Variants in FBXW2 observed in about 807,000 individuals in gnomAD.
FBXW2 encodes the protein F-box/WD repeat-containing protein 2.
A neutral mutation model predicts 46.0 loss-of-function variants in FBXW2; 12 were observed. The ratio of observed to expected loss-of-function variants is 0.26; its 90% CI spans 0.17 to 0.42. The LOEUF (loss-of-function observed/expected upper bound fraction) is 0.42, where lower values mean the gene tolerates loss of function less well. FBXW2 is among the 10% of genes least tolerant of loss of function. The pLI is 1.00. For synonymous variants in FBXW2, 203 were observed against 209.6 expected (o/e 0.97, Z 0.27); for missense variants, 360 against 537.0 (o/e 0.67, Z 3.26).
chr9:120,772,649 C>CT (rs2044404450), intron 6 of FBXW2, 105 bp downstream of exon 6: 1 of 684,084 alleles, frequency 1.5e-6, no homozygotes, highest in African/African-American at 1.9e-5. Flanking sequence ...CTAAGACACT[C>CT]CCCCTCCTCT....
At chr9:120,769,377 A>G (rs1393463169) in intron 7 of FBXW2, among the ~76,000 whole-genome samples, 1 of 152,194 alleles carries the variant, frequency 6.6e-6, no homozygotes, top group Non-Finnish European at 1.5e-5. Flanking sequence ...CAGGTTTATT[A>G]TTTAAAACTA....
At chr9:120,788,352 A>C in intron 2 of FBXW2, 74 bp from the exon 3 acceptor site, 1 of 1,399,256 alleles carries the variant, frequency 7.1e-7, no homozygotes, top group Non-Finnish European at 9.6e-7. Context: ...CAAATGAAGT[A>C]TTAAAAATTA....
rs543548840 is a variant in FBXW2, at chr9:120,792,116, G to A, written c.-21+1033C>T. On this transcript the variant is annotated intron_variant, in intron 2 of 7. Transcript: ENST00000608872. ...ACTAACATTAATGAGGAAATTTACG[G>A]CTCAAGAAGTGGAGTGGCCTTCCCA... 7.2e-5 allele frequency among the ~76,000 whole-genome samples: 11 copies of A among 152,154 alleles called. No individual in the cohort carries two copies. The South Asian group carries it at 2.3e-3, about 32-fold the overall frequency.
chr9:120,767,064 T>C (rs1240465576), intron 7 of FBXW2, among the ~76,000 whole-genome samples: 1 of 152,220 alleles, frequency 6.6e-6, no homozygotes, highest in Non-Finnish European at 1.5e-5. Context: ...TTTCTGTCTT[T>C]TATAGCTGGA....
chr9:120,793,034 T>C (rs1013370327), intron 2 of FBXW2, 115 bp downstream of exon 2: 13 of 1,303,326 alleles, frequency 1.0e-5, no homozygotes, highest in Admixed American at 7.9e-5. Flanking sequence ...ATGGAGGCAG[T>C]AGGAGGCAGT....
Position 120,764,115 on chromosome 9 carries a change from A to G in FBXW2, c.*444T>C. On this transcript the variant is annotated 3_prime_UTR_variant, in exon 8 of 8. Transcript: ENST00000608872. The stretch of plus-strand genomic sequence containing the variant: ...TATAAGAGCTAAACCCCGTGTGAGG[A>G]AAGTTGCTGTAACAACATCATAGCA... 3.1e-6 allele frequency: 1 copy of G among 323,632 alleles called. No individual in the cohort carries two copies. Among genetic ancestry groups the G allele is most frequent in the Non-Finnish European group, 5.6e-6 (1 of 179,886 alleles). 20.0% of individuals were successfully genotyped at this position (323,632 alleles called of 1,614,324 possible). A position where few individuals can be genotyped will look rare whatever the true frequency, so the allele number is the denominator to read the frequency against.
intron 5 of FBXW2, among the ~76,000 whole-genome samples, chr9:120,774,905 A>G (rs1303480556): frequency 6.6e-6 from 1 of 152,138 alleles, no homozygotes; most frequent in African/African-American, 2.4e-5. Context: ...TGTCCAGGTC[A>G]TCAAATGTTC....
At chr9:120,774,046 T>A (rs920930911) in intron 5 of FBXW2, among the ~76,000 whole-genome samples, 1 of 151,832 alleles carries the variant, frequency 6.6e-6, no homozygotes, top group South Asian at 2.1e-4. Context: ...AAATTTTTTT[T>A]AATTAGCAGC....
intron 5 of FBXW2, among the ~76,000 whole-genome samples, chr9:120,775,169 C>T (rs1300368149): frequency 6.6e-6 from 1 of 152,056 alleles, no homozygotes; most frequent in Non-Finnish European, 1.5e-5. Context: ...AGTTAATTCC[C>T]CTGTCTCAGC....
rs112138267 is a variant in FBXW2 at position 120,785,781 on chromosome 9, A to G, written c.490+1988T>C. ...ACGGTGGCTCACGCCTGTAATCCCA[A>G]CACTTTGGAGGGTGGATCACCTGAG... is the stretch of plus-strand genomic sequence containing the variant. On this transcript the variant is annotated intron_variant, in intron 3 of 7. Transcript: ENST00000608872. Among the ~76,000 whole-genome samples the G allele has an allele frequency of 6.0e-3, 912 of 152,126 alleles. 15 individuals are homozygous for G. Among genetic ancestry groups the G allele is most frequent in the African/African-American group, 0.02 (845 of 41,492 alleles).
intron 5 of FBXW2, 22 bp from the exon 6 acceptor site, chr9:120,772,862 C>G: frequency 6.5e-7 from 1 of 1,532,564 alleles, no homozygotes; most frequent in Non-Finnish European, 9.0e-7. Context: ...AACCATGTTA[C>G]GGAAAGATCC....
At chr9:120,772,490 C>CA (rs1402809508) in intron 6 of FBXW2, among the ~76,000 whole-genome samples, 129 of 36,530 alleles carry the variant, frequency 3.5e-3, no homozygotes, top group African/African-American at 0.01. Context: ...GAGACTGTCT[C>CA]AAAAAAAAAC....
In FBXW2 at chr9:120,776,062, T is replaced by A. The variant is rs191921328; in HGVS notation, c.819+31A>T. 1.3e-4 allele frequency: 208 copies of A among 1,611,524 alleles called. 1 individual carries two copies. The South Asian group carries it at 1.4e-3, about 11-fold the overall frequency. On this transcript the variant is annotated intron_variant, in intron 5 of 7. Coordinates refer to ENST00000608872, the MANE Select transcript of FBXW2 (RefSeq NM_012164.4). The stretch of plus-strand genomic sequence containing the variant: ...CCACGCCCTCCCTCAAAAAGCCTGA[T>A]AAGCAGGAGACTTCTTCCAAGTCTT...
chr9:120,778,939 T>C (rs1178489588), intron 3 of FBXW2, among the ~76,000 whole-genome samples: 2 of 152,262 alleles, frequency 1.3e-5, no homozygotes, highest in African/African-American at 4.8e-5. Flanking sequence ...GCTTGTCCAT[T>C]ACCCAACAGT....
chr9:120,786,301 G>A (rs567493751), intron 3 of FBXW2, among the ~76,000 whole-genome samples: 1 of 152,280 alleles, frequency 6.6e-6, no homozygotes, highest in Non-Finnish European at 1.5e-5. Context: ...TCATGATAGT[G>A]AGTGAGTTCT....
At chr9:120,779,083 T>C (rs1312010261) in intron 3 of FBXW2, among the ~76,000 whole-genome samples, 2 of 152,226 alleles carry the variant, frequency 1.3e-5, no homozygotes. Context: ...CCAGTCATCT[T>C]GAAATACGTG....
In FBXW2 at chr9:120,762,179, A is replaced by G. The variant is rs1165296774; in HGVS notation, c.*2380T>C. 6.6e-6 allele frequency: 1 copy of G among 152,176 alleles called. No individual in the cohort carries two copies. Among genetic ancestry groups the G allele is most frequent in the African/African-American group, 2.4e-5 (1 of 41,450 alleles). 9.4% of individuals were successfully genotyped at this position (152,176 alleles called of 1,614,324 possible). A position where few individuals can be genotyped will look rare whatever the true frequency, so the allele number is the denominator to read the frequency against. On this transcript the variant is annotated 3_prime_UTR_variant, in exon 8 of 8. Coordinates refer to ENST00000608872, the MANE Select transcript of FBXW2 (RefSeq NM_012164.4). ...ACATGGTGGAACCCTGTCTCTACTA[A>G]AAATATAAAAATTAGTTGGGTGTCA...
At chr9:120,767,785 TCTC>T (rs1007714376) in intron 7 of FBXW2, among the ~76,000 whole-genome samples, 8 of 152,224 alleles carry the variant, frequency 5.3e-5, no homozygotes, top group African/African-American at 1.4e-4. Flanking sequence ...ACCATCCAAT[TCTC>T]CTCCTCCTCC....
intron 3 of FBXW2, among the ~76,000 whole-genome samples, chr9:120,787,354 G>A (rs376796138): frequency 6.6e-6 from 1 of 152,150 alleles, no homozygotes; most frequent in Non-Finnish European, 1.5e-5. Flanking sequence ...TAAAGATACA[G>A]AGAGGTTAAG....
Sources: allele counts gnomAD v4.1 joint callset (sites outside exome capture counted in the v4.1 genomes callset), GRCh38; gene constraint gnomAD v4.1.1; transcripts MANE v1.5; gene names NCBI Gene and HGNC (gene_info 2026-07-23, HGNC 2026-07-21).